Variants in MYOCD observed in about 807,000 individuals in gnomAD.
MYOCD encodes myocardin.
A neutral mutation model predicts 96.1 loss-of-function variants in MYOCD; 32 were observed. The observed-to-expected ratio is 0.33, with a 90% confidence interval of 0.25 to 0.45. MYOCD has a LOEUF of 0.45. Among genes scored for constraint, MYOCD ranks in the 20% least tolerant of loss-of-function variants. The probability of loss-of-function intolerance (pLI) is 1.00; values close to 1 mark genes in which losing one functional copy is unlikely to be tolerated. For missense variants in MYOCD, 1,133 were observed against 1,200.6 expected (o/e 0.94, Z 0.83); for synonymous variants, 469 against 469.0 (o/e 1.00, Z 0.00).
At chr17:12,667,955 C>T (rs979356056) in intron 1 of MYOCD, among the ~76,000 whole-genome samples, 1 of 152,154 alleles carries the variant, frequency 6.6e-6, no homozygotes, top group East Asian at 1.9e-4. Flanking sequence ...TTAATCCTCC[C>T]GTCATTGATA....
At chr17:12,740,007 C>A (rs2032459519) in intron 7 of MYOCD, among the ~76,000 whole-genome samples, 2 of 152,108 alleles carry the variant, frequency 1.3e-5, no homozygotes, top group South Asian at 4.1e-4. Context: ...GCGATCTCAG[C>A]TCACTGCAAC....
chr17:12,670,108 G>C (rs968941754), intron 1 of MYOCD, among the ~76,000 whole-genome samples: 25 of 152,126 alleles, frequency 1.6e-4, no homozygotes, highest in African/African-American at 5.3e-4. Flanking sequence ...AGGAAGATAA[G>C]CTCAGCAGGC....
intron 2 of MYOCD, among the ~76,000 whole-genome samples, chr17:12,708,184 T>C (rs1034717987): frequency 5.9e-5 from 9 of 152,184 alleles, no homozygotes; most frequent in Non-Finnish European, 1.0e-4. Flanking sequence ...CTAAGAGGTT[T>C]TTCAGATGTC....
At chr17:12,671,748 G>C (rs1290347813) in intron 1 of MYOCD, 2 of 152,104 alleles carry the variant, frequency 1.3e-5, no homozygotes, top group East Asian at 3.8e-4. Context: ...TACTCTAATT[G>C]GATTAAATTG....
intron 11 of MYOCD, 138 bp downstream of exon 11, chr17:12,756,695 CAAA>C (rs11307445): frequency 0.032 from 4,439 of 140,052 alleles, no homozygotes; most frequent in Middle Eastern, 0.052. Context: ...GACTGCATCT[CAAA>C]AAAAAAAAAA....
At chr17:12,697,749 C>A (rs1265604704) in intron 1 of MYOCD, among the ~76,000 whole-genome samples, 1 of 151,600 alleles carries the variant, frequency 6.6e-6, no homozygotes, top group Non-Finnish European at 1.5e-5. Context: ...AGTATTTTTG[C>A]TGCTAAAAAA....
intron 1 of MYOCD, among the ~76,000 whole-genome samples, chr17:12,695,112 C>A (rs1422152145): frequency 1.3e-5 from 2 of 152,156 alleles, no homozygotes; most frequent in African/African-American, 2.4e-5. Flanking sequence ...TAGAGATGAT[C>A]TTAGTCCATT....
At chr17:12,729,360 TGA>T (rs557229283) in intron 5 of MYOCD, among the ~76,000 whole-genome samples, 1 of 151,640 alleles carries the variant, frequency 6.6e-6, no homozygotes, top group Non-Finnish European at 1.5e-5. Context: ...GGGTGAGCGC[TGA>T]GAGAGAAAGG....
intron 5 of MYOCD, 52 bp from the exon 6 acceptor site, chr17:12,736,109 C>T: frequency 6.7e-7 from 1 of 1,492,330 alleles, no homozygotes; most frequent in South Asian, 1.2e-5. Flanking sequence ...TCCAAAAATG[C>T]CCTTTGATGC....
chr17:12,735,655 C>T (rs2032318506), intron 5 of MYOCD, among the ~76,000 whole-genome samples: 1 of 152,194 alleles, frequency 6.6e-6, no homozygotes, highest in African/African-American at 2.4e-5. Context: ...AACTTAGTAG[C>T]TGTCCTAGCT....
chr17:12,762,229 A>G (rs923878819), intron 13 of MYOCD: 2 of 152,356 alleles, frequency 1.3e-5, no homozygotes, highest in Non-Finnish European at 2.9e-5. Context: ...GGGTTCTGCC[A>G]AAAATACAGG....
Position 12,752,545 on chromosome 17 carries a change from G to T in MYOCD, c.1257G>T (p.Thr419=). The change falls in exon 10 of 14, where the codon ACG becomes ACT. Residue 419 remains threonine, a synonymous_variant. Transcript: ENST00000425538. The part of the protein sequence containing the change: ...GNPVPNFGDI[T]TVTFPVTPNT... ...CAGTGCCGAACTTTGGGGATATAAC[G>T]ACTGTCACTTTTCCTGTCACACCCA... 6.2e-7 allele frequency: 1 copy of T among 1,614,084 alleles called. No individual in the cohort carries two copies. The highest frequency in any genetic ancestry group is 1.1e-5 in the South Asian group (1 of 91,068).
chr17:12,710,338 C>T (rs147605731), intron 2 of MYOCD, among the ~76,000 whole-genome samples: 48 of 152,242 alleles, frequency 3.2e-4, no homozygotes, highest in East Asian at 9.7e-4. Context: ...ACACGGGGCC[C>T]GGGGAGGCTG....
chr17:12,729,350 G>A (rs997518586), intron 5 of MYOCD, among the ~76,000 whole-genome samples: 35 of 152,072 alleles, frequency 2.3e-4, no homozygotes, highest in African/African-American at 8.5e-4. Context: ...CGGGAGGAAA[G>A]GGTGAGCGCT....
In MYOCD at chr17:12,756,797, G is replaced by A. The variant is rs184234103; in HGVS notation, c.2202+240G>A. ...AACATTAAATGCTGGTGGGAGGGAGGGACAGATTGATTAGAAAGGGCTGGA... is the reference window on the plus strand; with the variant it reads ...AACATTAAATGCTGGTGGGAGGGAGAGACAGATTGATTAGAAAGGGCTGGA... On this transcript the variant is annotated intron_variant, in intron 11 of 13. Transcript: ENST00000425538. Among the ~76,000 whole-genome samples the A allele has an allele frequency of 2.7e-3, 409 of 151,924 alleles. 2 individuals are homozygous for A. Among genetic ancestry groups the A allele is most frequent in the African/African-American group, 9.3e-3 (383 of 41,350 alleles).
chr17:12,720,052 A>C (rs1015018153), intron 4 of MYOCD, among the ~76,000 whole-genome samples: 22 of 152,012 alleles, frequency 1.4e-4, no homozygotes, highest in African/African-American at 5.1e-4. Context: ...AGCCAGGAAT[A>C]TTGAAAATGG....
At chr17:12,746,415 G>C (rs947667368) in intron 9 of MYOCD, among the ~76,000 whole-genome samples, 1 of 152,178 alleles carries the variant, frequency 6.6e-6, no homozygotes, top group African/African-American at 2.4e-5. Context: ...GCAAGAAAGG[G>C]CAAGAGCCCT....
intron 6 of MYOCD, among the ~76,000 whole-genome samples, chr17:12,737,030 G>A (rs1282964144): frequency 1.3e-5 from 2 of 152,256 alleles, no homozygotes; most frequent in East Asian, 1.9e-4. Flanking sequence ...TGAGGCGGGC[G>A]GATCACCTGA....
chr17:12,760,771 C>A, intron 13 of MYOCD, 64 bp downstream of exon 13: 1 of 1,321,884 alleles, frequency 7.6e-7, no homozygotes, highest in Non-Finnish European at 1.1e-6. Flanking sequence ...AAGGAATGAA[C>A]TCTCGGTACC....
Sources: allele counts gnomAD v4.1 joint callset (sites outside exome capture counted in the v4.1 genomes callset), GRCh38; gene constraint gnomAD v4.1.1; transcripts MANE v1.5; gene names NCBI Gene and HGNC (gene_info 2026-07-23, HGNC 2026-07-21).